The following ZNF713 variants were observed in gnomAD, a reference collection of about 807,000 sequenced individuals.
ZNF713 encodes the protein zinc finger protein 713.
ZNF713 carries 21 observed loss-of-function variants against 28.7 expected under a neutral mutation model. The observed-to-expected ratio is 0.73, with a 90% CI of 0.52 to 1.05. The LOEUF is 1.05. Ranked by LOEUF, ZNF713 falls within the 50% of genes least tolerant of loss-of-function variation. ZNF713 has a pLI of 0.00. For missense variants in ZNF713, 458 were observed against 532.4 expected (o/e 0.86, Z 1.37); for synonymous variants, 167 against 178.0 (o/e 0.94, Z 0.49).
At position 55,923,696 on chromosome 7, in the gene ZNF713, C is replaced by CAG. The variant is rs1786041460; in HGVS notation, c.304_305insAG (p.Pro102GlnfsTer28). Reference sequence around the variant, plus strand: ...AAGAGACAGCCTGCTGGATACTCATCCAGGTAAGTGCACACTCTTGGGCAC... The same window carrying CAG: ...AAGAGACAGCCTGCTGGATACTCATCAGCAGGTAAGTGCACACTCTTGGGCAC... On this transcript the variant is annotated frameshift_variant, in exon 6 of 7. Transcript: ENST00000429591. LOFTEE classifies it high-confidence loss of function. 2 of 1,610,790 alleles carry CAG rather than the reference C, an allele frequency of 1.2e-6. No homozygotes were observed. The highest frequency in any genetic ancestry group is 1.3e-5 in the African/African-American group (1 of 74,856).
chr7:55,931,583 T>C (rs1353428692), intron 6 of ZNF713, among the ~76,000 whole-genome samples: 1 of 147,396 alleles, frequency 6.8e-6, no homozygotes, highest in Non-Finnish European at 1.5e-5. Context: ...CTTCTCTCCC[T>C]CCTTCTTTCC....
At chr7:55,892,022 G>A (rs1391264672) in intron 1 of ZNF713, among the ~76,000 whole-genome samples, 5 of 152,154 alleles carry the variant, frequency 3.3e-5, no homozygotes, top group African/African-American at 1.2e-4. Context: ...GCTTATGCCT[G>A]TAATCCCAGC....
intron 6 of ZNF713, among the ~76,000 whole-genome samples, chr7:55,938,721 G>A (rs1451805286): frequency 6.6e-6 from 1 of 152,104 alleles, no homozygotes; most frequent in Non-Finnish European, 1.5e-5. Context: ...CTGCTTTCAA[G>A]CATGGATACT....
At chr7:55,890,506 A>G (rs1305432380) in intron 1 of ZNF713, among the ~76,000 whole-genome samples, 1 of 151,964 alleles carries the variant, frequency 6.6e-6, no homozygotes, top group Non-Finnish European at 1.5e-5. Flanking sequence ...ATAAAGTCAC[A>G]TTGCGGGTTA....
chr7:55,931,551 C>T (rs977199205), intron 6 of ZNF713, among the ~76,000 whole-genome samples: 1 of 150,812 alleles, frequency 6.6e-6, no homozygotes, highest in Non-Finnish European at 1.5e-5. Flanking sequence ...CTCCCTAATT[C>T]TCTCCCTCCT....
chr7:55,896,185 T>C (rs1785468689), intron 1 of ZNF713, among the ~76,000 whole-genome samples: 1 of 151,776 alleles, frequency 6.6e-6, no homozygotes, highest in Non-Finnish European at 1.5e-5. Context: ...CAATAAAAAA[T>C]AGAGGAGAGT....
chr7:55,924,708 T>C (rs1786062775), intron 6 of ZNF713: 1 of 152,114 alleles, frequency 6.6e-6, no homozygotes. Context: ...ACCCAGTCTC[T>C]ACTAAAAATA....
intron 1 of ZNF713, among the ~76,000 whole-genome samples, chr7:55,898,460 C>A (rs1478419524): frequency 2.0e-5 from 3 of 152,136 alleles, no homozygotes; most frequent in Non-Finnish European, 4.4e-5. Flanking sequence ...GACTGGGAGG[C>A]CTCAGGAAAC....
chr7:55,919,503 T>G (rs1204833797), intron 4 of ZNF713, among the ~76,000 whole-genome samples: 3 of 57,688 alleles, frequency 5.2e-5, no homozygotes, highest in African/African-American at 2.6e-4. Flanking sequence ...TTTTTTTTTT[T>G]TTTTTTTTTT....
At chr7:55,931,914 A>C (rs1184833378) in intron 6 of ZNF713, among the ~76,000 whole-genome samples, 1 of 152,222 alleles carries the variant, frequency 6.6e-6, no homozygotes, top group African/African-American at 2.4e-5. Flanking sequence ...TTCAGGAACC[A>C]GGTCCACAGG....
At chr7:55,894,659 A>T (rs1294748546) in intron 1 of ZNF713, among the ~76,000 whole-genome samples, 2 of 152,212 alleles carry the variant, frequency 1.3e-5, no homozygotes, top group East Asian at 1.9e-4. Context: ...GGAACTAATC[A>T]GGCAAAATCA....
chr7:55,894,411 A>G (rs879780716), intron 1 of ZNF713, among the ~76,000 whole-genome samples: 7 of 152,240 alleles, frequency 4.6e-5, no homozygotes, highest in Non-Finnish European at 1.0e-4. Flanking sequence ...GGAAAAATGG[A>G]CAGATGACAC....
intron 1 of ZNF713, among the ~76,000 whole-genome samples, chr7:55,899,442 G>T (rs112712309): frequency 2.8e-5 from 4 of 144,888 alleles, no homozygotes; most frequent in Admixed American, 1.4e-4. Context: ...AGGGGGGGGG[G>T]GGGGTTGATC....
In ZNF713 at chr7:55,939,355, A is replaced by G. The variant is rs1227983841; in HGVS notation, c.681A>G (p.Gly227=). The G allele has an allele frequency of 1.7e-5, 27 of 1,613,898 alleles. No homozygotes were observed. In the Admixed American group the frequency reaches 4.5e-4, roughly 27 times the overall value. ...KHNSDLIYYQ[G]NYVRETPYEY... ...ATTCAGACTTGATTTACTATCAGGG[A>G]AATTATGTAAGAGAGACTCCCTATG... Residue 227 remains glycine (G), a synonymous_variant, in exon 7 of 7, where the codon GGA becomes GGG. Transcript: ENST00000429591.
At chr7:55,935,561 C>T (rs1488382305) in intron 6 of ZNF713, among the ~76,000 whole-genome samples, 2 of 152,098 alleles carry the variant, frequency 1.3e-5, no homozygotes, top group African/African-American at 4.8e-5. Flanking sequence ...AAGATACCTG[C>T]ATATCAAAGT....
At chr7:55,916,567 C>T (rs1785885263) in intron 4 of ZNF713, among the ~76,000 whole-genome samples, 1 of 152,150 alleles carries the variant, frequency 6.6e-6, no homozygotes, top group Non-Finnish European at 1.5e-5. Context: ...CTCTTTTATT[C>T]ACTGGTACAT....
At chr7:55,908,135 GTT>G (rs71015120) in intron 2 of ZNF713, among the ~76,000 whole-genome samples, 2,213 of 53,922 alleles carry the variant, frequency 0.041, 13 homozygotes, top group African/African-American at 0.13. Flanking sequence ...ATCCGTTGTT[GTT>G]TTTTTTTTTT....
chr7:55,899,029 C>T (rs1019513434), intron 1 of ZNF713, among the ~76,000 whole-genome samples: 5 of 152,106 alleles, frequency 3.3e-5, no homozygotes, highest in East Asian at 1.9e-4. Flanking sequence ...ATTAATACAG[C>T]CATCACAGCA....
rs1332846987 is a variant in ZNF713 at position 55,887,503 on chromosome 7, G to A, written c.-760G>A. 1.2e-5 allele frequency: 2 copies of A among 160,648 alleles called. No homozygotes were observed. The highest frequency in any genetic ancestry group is 2.7e-5 in the Non-Finnish European group (2 of 74,112). The allele number at this position is 160,648 out of a possible 1,614,324, so 10.0% of individuals were successfully genotyped here. ...GGGAGGCTGTCCTCAGAGCAGGTCT[G>A]GCGCGCCGGTGGCTGGACCGGCCCC... is the stretch of plus-strand genomic sequence containing the variant. On this transcript the variant is annotated 5_prime_UTR_variant, in exon 1 of 7. Coordinates refer to ENST00000429591, the MANE Select transcript of ZNF713 (RefSeq NM_182633.3).
Sources: gnomAD v4.1 joint callset for allele counts (sites outside exome capture counted in the v4.1 genomes callset) on GRCh38, gnomAD v4.1.1 for gene constraint, MANE v1.5 for transcripts, NCBI Gene and HGNC (gene_info 2026-07-23, HGNC 2026-07-21) for gene names.